ERBIN: variants seen among roughly 807,000 people sequenced by gnomAD.
The protein encoded by ERBIN is erbb2 interacting protein, also known as densin-180-like protein.
Under a neutral mutation model 158.4 loss-of-function variants are expected in ERBIN, and 60 were observed. The observed-to-expected ratio is 0.38, with a 90% confidence interval of 0.31 to 0.47. The LOEUF is 0.47. Ranked by LOEUF, ERBIN falls within the 20% of genes least tolerant of loss-of-function variation. The probability of loss-of-function intolerance (pLI) is 0.99; values close to 1 mark genes in which losing one functional copy is unlikely to be tolerated. For synonymous variants in ERBIN, 594 were observed against 557.2 expected (o/e 1.07, Z -0.93); for missense variants, 1,610 against 1,648.0 (o/e 0.98, Z 0.40).
intron 1 of ERBIN, among the ~76,000 whole-genome samples, chr5:65,977,293 G>A (rs1191628355): frequency 1.3e-4 from 20 of 151,208 alleles, no homozygotes; most frequent in Non-Finnish European, 2.2e-4. Flanking sequence ...CCGGGCGGGG[G>A]GCTGACCCCC....
At chr5:65,956,781 A>AT (rs984523327) in intron 1 of ERBIN, among the ~76,000 whole-genome samples, 20 of 152,072 alleles carry the variant, frequency 1.3e-4, no homozygotes, top group Non-Finnish European at 4.4e-5. Flanking sequence ...GTCTGCCAAT[A>AT]TTTTTTCACC....
chr5:65,997,493 G>A (rs1264726996), intron 4 of ERBIN, among the ~76,000 whole-genome samples: 2 of 152,132 alleles, frequency 1.3e-5, no homozygotes, highest in Non-Finnish European at 1.5e-5. Flanking sequence ...AAAATGTTAA[G>A]TCCTTACCTC....
At chr5:66,051,025 A>G (rs1758968325) in intron 20 of ERBIN, 59 bp downstream of exon 20, 1 of 1,094,064 alleles carries the variant, frequency 9.1e-7, no homozygotes, top group Admixed American at 2.5e-5. Flanking sequence ...AGTAAGGCAG[A>G]TAACAAATAC....
chr5:66,056,842 T>C (rs375682409), intron 21 of ERBIN, among the ~76,000 whole-genome samples: 13 of 152,106 alleles, frequency 8.5e-5, no homozygotes, highest in African/African-American at 2.9e-4. Context: ...TTGACTACAC[T>C]GTAGTATCTT....
In ERBIN at chr5:65,998,506, A is replaced by G. The variant is rs557092089; in HGVS notation, c.307+3642A>G. Among the ~76,000 whole-genome samples, 7 of 152,024 alleles carry G rather than the reference A, an allele frequency of 4.6e-5. No individual in the cohort carries two copies. The South Asian group carries it at 1.0e-3, about 22-fold the overall frequency. ...TTTACCTTTTGTTATTGAGCTGTTT[A>G]ACTTTAGAGCTATTTATATTTTGAA... On this transcript the variant is annotated intron_variant, in intron 4 of 25. Coordinates refer to ENST00000284037, the MANE Select transcript of ERBIN (RefSeq NM_001253697.2).
chr5:66,003,923 C>CTT (rs35063438), intron 4 of ERBIN, among the ~76,000 whole-genome samples: 2,143 of 62,468 alleles, frequency 0.034, 35 homozygotes, highest in African/African-American at 0.052. Context: ...GAGCAGCAGT[C>CTT]TTTTTTTTTT....
intron 1 of ERBIN, among the ~76,000 whole-genome samples, chr5:65,963,392 T>C (rs1343441685): frequency 6.6e-6 from 1 of 152,152 alleles, no homozygotes. Context: ...TTAAAAACTT[T>C]ACATGACAGC....
chr5:66,051,937 T>C (rs1224718993), intron 20 of ERBIN, among the ~76,000 whole-genome samples: 1 of 148,920 alleles, frequency 6.7e-6, no homozygotes, highest in Non-Finnish European at 1.5e-5. Context: ...CTGGATGTGG[T>C]GGAATGCCTG....
chr5:65,990,672 G>T (rs1221064399), intron 2 of ERBIN, among the ~76,000 whole-genome samples: 2 of 148,744 alleles, frequency 1.3e-5, no homozygotes, highest in Non-Finnish European at 3.0e-5. Context: ...AAAAATTGTA[G>T]TGATGATGAA....
chr5:65,973,725 G>A (rs547618026), intron 1 of ERBIN, among the ~76,000 whole-genome samples: 1 of 151,436 alleles, frequency 6.6e-6, no homozygotes, highest in Admixed American at 6.5e-5. Context: ...CAGTAGTAAG[G>A]CAAAAGGCCT....
chr5:66,028,419 T>G, intron 14 of ERBIN, 76 bp downstream of exon 14: 1 of 1,134,554 alleles, frequency 8.8e-7, no homozygotes, highest in East Asian at 2.4e-5. Context: ...TTACATAGGG[T>G]CATTTAAGAG....
chr5:66,074,940 T>A, intron 22 of ERBIN, 84 bp from the exon 23 acceptor site: 1 of 1,254,170 alleles, frequency 8.0e-7, no homozygotes, highest in South Asian at 1.4e-5. Context: ...CTCTAGTGCT[T>A]TTGTAATGCT....
chr5:66,070,811 T>C (rs780958285), intron 21 of ERBIN, among the ~76,000 whole-genome samples: 4 of 152,218 alleles, frequency 2.6e-5, no homozygotes, highest in Non-Finnish European at 5.9e-5. Context: ...TTTCTAAGAT[T>C]AAATTCGAAA....
At chr5:66,063,329 C>A (rs895043487) in intron 21 of ERBIN, among the ~76,000 whole-genome samples, 6 of 152,200 alleles carry the variant, frequency 3.9e-5, no homozygotes, top group Admixed American at 2.0e-4. Flanking sequence ...GGGCGTAGGA[C>A]CCTCCGAGCC....
chr5:65,938,888 C>T (rs1744419786), intron 1 of ERBIN, among the ~76,000 whole-genome samples: 1 of 152,072 alleles, frequency 6.6e-6, no homozygotes, highest in South Asian at 2.1e-4. Context: ...GTCCCTGCTA[C>T]TACTCTTCTG....
At chr5:66,038,185 A>G (rs1322766524) in intron 14 of ERBIN, among the ~76,000 whole-genome samples, 198 bp from the exon 15 acceptor site, 1 of 152,148 alleles carries the variant, frequency 6.6e-6, no homozygotes, top group Non-Finnish European at 1.5e-5. Context: ...CATTTGTTGG[A>G]TTTTAATATG....
At chr5:66,026,163 T>C in intron 12 of ERBIN, 139 bp from the exon 13 acceptor site, 1 of 690,666 alleles carries the variant, frequency 1.4e-6, no homozygotes, top group Non-Finnish European at 2.3e-6. Flanking sequence ...TACATAAAAA[T>C]TAATTAAAAA....
At chr5:65,944,368 G>C (rs969110951) in intron 1 of ERBIN, among the ~76,000 whole-genome samples, 1 of 151,930 alleles carries the variant, frequency 6.6e-6, no homozygotes, top group Non-Finnish European at 1.5e-5. Context: ...TGGGTGTGAG[G>C]TGGTATCTCA....
At chr5:66,026,000 A>T (rs1440755678) in intron 12 of ERBIN, 23 bp downstream of exon 12, 14 of 1,558,032 alleles carry the variant, frequency 9.0e-6, no homozygotes, top group Non-Finnish European at 1.2e-5. Flanking sequence ...AGATTTGTTT[A>T]GATTTTTGTC....
Sources: gnomAD v4.1 joint callset for allele counts (sites outside exome capture counted in the v4.1 genomes callset) on GRCh38, gnomAD v4.1.1 for gene constraint, MANE v1.5 for transcripts, NCBI Gene and HGNC (gene_info 2026-07-23, HGNC 2026-07-21) for gene names.